The following SLC22A14 variants were observed in gnomAD, a reference collection of about 807,000 sequenced individuals.
The protein encoded by SLC22A14 is solute carrier family 22 member 14.
SLC22A14 carries 50 observed loss-of-function variants against 53.9 expected under a neutral mutation model. That is an observed-to-expected ratio of 0.93 (90% confidence interval 0.74 to 1.17). The LOEUF is 1.17. SLC22A14 is among the 50% of genes most tolerant of loss of function. The probability of loss-of-function intolerance (pLI) is 0.00; values close to 1 mark genes in which losing one functional copy is unlikely to be tolerated. For synonymous variants in SLC22A14, 312 were observed against 303.0 expected, an observed-to-expected ratio of 1.03 and a Z score of -0.31; for missense variants, 671 against 734.7, an observed-to-expected ratio of 0.91 and a Z score of 1.00.
intron 8 of SLC22A14, 22 bp from the exon 9 acceptor site, chr3:38,315,536 G>C (rs764921057): frequency 5.0e-6 from 8 of 1,608,416 alleles, no homozygotes; most frequent in African/African-American, 1.3e-5. Flanking sequence ...GCTGATGAGT[G>C]GAACTCCTTC....
intron 1 of SLC22A14, among the ~76,000 whole-genome samples, chr3:38,293,586 A>G (rs927561427): frequency 1.3e-5 from 2 of 152,202 alleles, no homozygotes; most frequent in Non-Finnish European, 1.5e-5. Flanking sequence ...TGCTTCCTCA[A>G]TGCCTCCCTT....
intron 1 of SLC22A14, among the ~76,000 whole-genome samples, chr3:38,294,309 A>C (rs1703977395): frequency 1.3e-5 from 2 of 152,126 alleles, no homozygotes; most frequent in South Asian, 4.2e-4. Flanking sequence ...TAATGAAAAG[A>C]AAGTTGGTAC....
At chr3:38,299,285 C>T (rs1255276640) in intron 1 of SLC22A14, among the ~76,000 whole-genome samples, 1 of 152,188 alleles carries the variant, frequency 6.6e-6, no homozygotes, top group East Asian at 1.9e-4. Flanking sequence ...AGTCTCTCCC[C>T]TCCCATTCCG....
chr3:38,306,924 G>A (rs376729927), intron 2 of SLC22A14, among the ~76,000 whole-genome samples: 16 of 152,254 alleles, frequency 1.1e-4, no homozygotes, highest in African/African-American at 2.9e-4. Context: ...AACACAGACC[G>A]CCCTAGCATG....
At chr3:38,315,856 AC>A in intron 9 of SLC22A14, 145 bp downstream of exon 9, 2 of 865,980 alleles carry the variant, frequency 2.3e-6, no homozygotes, top group Non-Finnish European at 3.6e-6. Flanking sequence ...TTTAAACACC[AC>A]CAGAAAATCC....
At position 38,316,351 on chromosome 3, in the gene SLC22A14, G is replaced by A; in HGVS notation, c.1560G>A (p.Leu520=). 1 of 1,614,134 alleles carries A rather than the reference G, an allele frequency of 6.2e-7. No homozygotes were observed. ...CGACAGGTCTGGGGCTGGTGTCTCT[G>A]GCCTCGGTGGCTGGAGCCATCTTGT... The part of the protein sequence containing the change: ...LRATGLGLVS[L]ASVAGAILSL... Residue 520 remains leucine (L), a synonymous_variant, in exon 10 of 11, where the codon CTG becomes CTA. Transcript: ENST00000448498.
At chr3:38,281,834 G>T (rs551290289), upstream of SLC22A14, among the ~76,000 whole-genome samples, 1 of 152,282 alleles carries the variant, frequency 6.6e-6, no homozygotes, top group Non-Finnish European at 1.5e-5. Flanking sequence ...TGCCACTTTG[G>T]CCTCCCTTCC....
intron 10 of SLC22A14, among the ~76,000 whole-genome samples, chr3:38,317,772 C>G (rs1356190033): frequency 6.6e-6 from 1 of 152,164 alleles, no homozygotes; most frequent in African/African-American, 2.4e-5. Context: ...TCGCTCTATC[C>G]TCAAAACAAT....
intron 10 of SLC22A14, 57 bp downstream of exon 10, chr3:38,316,581 G>A: frequency 6.7e-7 from 1 of 1,498,228 alleles, no homozygotes; most frequent in Non-Finnish European, 9.2e-7. Flanking sequence ...TGAAGCCTTG[G>A]CACAGAGAGC....
intron 1 of SLC22A14, among the ~76,000 whole-genome samples, chr3:38,291,403 C>T (rs1281598875): frequency 1.3e-5 from 2 of 152,150 alleles, no homozygotes; most frequent in Non-Finnish European, 2.9e-5. Flanking sequence ...TGCACAGTTG[C>T]GGCACTGGCC....
intron 1 of SLC22A14, among the ~76,000 whole-genome samples, chr3:38,294,346 C>T (rs1246295663): frequency 6.6e-6 from 1 of 152,138 alleles, no homozygotes; most frequent in East Asian, 1.9e-4. Context: ...CATTTGCCTT[C>T]TTTCTACAAA....
chr3:38,299,951 A>ACAAT (rs1310170956), intron 1 of SLC22A14, among the ~76,000 whole-genome samples: 3 of 152,238 alleles, frequency 2.0e-5, no homozygotes. Flanking sequence ...ATTTTGTGAT[A>ACAAT]CAATCAATGC....
intron 10 of SLC22A14, 122 bp from the exon 11 acceptor site, chr3:38,318,076 G>T: frequency 1.2e-6 from 1 of 841,660 alleles, no homozygotes; most frequent in South Asian, 1.5e-5. Flanking sequence ...GGGACCTGCC[G>T]GAGTGAGAAA....
upstream of SLC22A14, among the ~76,000 whole-genome samples, chr3:38,280,620 A>T (rs1392942691): frequency 6.7e-6 from 1 of 149,768 alleles, no homozygotes; most frequent in Non-Finnish European, 1.5e-5. Flanking sequence ...CAACCCAGAG[A>T]GTTCTGGGAT....
intron 8 of SLC22A14, 54 bp from the exon 9 acceptor site, chr3:38,315,504 T>C: frequency 1.3e-6 from 2 of 1,569,248 alleles, no homozygotes; most frequent in Non-Finnish European, 8.7e-7. Context: ...TTCAGATGCC[T>C]TCTGGGAGGG....
intron 1 of SLC22A14, among the ~76,000 whole-genome samples, chr3:38,291,657 C>T (rs1006280781): frequency 6.6e-6 from 1 of 152,232 alleles, no homozygotes; most frequent in African/African-American, 2.4e-5. Context: ...AAGCTGATCC[C>T]TCAGACCTGT....
intron 7 of SLC22A14, 39 bp from the exon 8 acceptor site, chr3:38,313,688 G>GCGCGTGCA: frequency 7.3e-7 from 1 of 1,361,590 alleles, no homozygotes; most frequent in Non-Finnish European, 1.1e-6. Flanking sequence ...GTGTGTGTGC[G>GCGCGTGCA]CGCGTGTGCA....
At chr3:38,313,685 T>TGTGTGTGTGTGTGCGCGCGC in intron 7 of SLC22A14, 42 bp from the exon 8 acceptor site, 81,776 of 878,586 alleles carry the variant, frequency 0.093, 2,225 homozygotes, top group East Asian at 0.17. Flanking sequence ...TCCGTGTGTG[T>TGTGTGTGTGTGTGCGCGCGC]GCGCGCGTGT....
chr3:38,311,483 C>T (rs1704465702), intron 5 of SLC22A14, among the ~76,000 whole-genome samples: 1 of 152,186 alleles, frequency 6.6e-6, no homozygotes, highest in Non-Finnish European at 1.5e-5. Context: ...ACAGCATGGC[C>T]AACATGAGCA....
Sources: gnomAD v4.1 joint callset for allele counts (sites outside exome capture counted in the v4.1 genomes callset) on GRCh38, gnomAD v4.1.1 for gene constraint, MANE v1.5 for transcripts, NCBI Gene and HGNC (gene_info 2026-07-23, HGNC 2026-07-21) for gene names.